Variants in CCNJL observed in about 807,000 individuals in gnomAD.
CCNJL encodes the protein cyclin-J-like protein.
CCNJL carries 33 observed loss-of-function variants against 33.4 expected under a neutral mutation model. That is an observed-to-expected ratio of 0.99 (90% confidence interval 0.75 to 1.32). The LOEUF (loss-of-function observed/expected upper bound fraction) is 1.32. Ranked by LOEUF, CCNJL falls within the 40% of genes most tolerant of loss-of-function variation. CCNJL has a pLI of 0.00. For synonymous variants in CCNJL, 227 were observed against 220.9 expected, an observed-to-expected ratio of 1.03 and a Z score of -0.24; for missense variants, 512 against 499.7, an observed-to-expected ratio of 1.02 and a Z score of -0.23.
At chr5:160,275,737 T>C (rs566610207) in intron 3 of CCNJL, among the ~76,000 whole-genome samples, 5 of 152,338 alleles carry the variant, frequency 3.3e-5, no homozygotes, top group Admixed American at 1.3e-4. Flanking sequence ...CTAGCTACCC[T>C]AGCAAAAGGT....
intron 1 of CCNJL, chr5:160,339,373 A>C (rs13362317): frequency 0.031 from 9,758 of 311,224 alleles, 214 homozygotes; most frequent in African/African-American, 0.083. Flanking sequence ...AAAAAAAAAC[A>C]AAAAAAAACG....
At chr5:160,269,741 C>G (rs1259532736) in intron 3 of CCNJL, among the ~76,000 whole-genome samples, 6 of 152,158 alleles carry the variant, frequency 3.9e-5, no homozygotes, top group Admixed American at 3.9e-4. Flanking sequence ...GCGTTCTGAC[C>G]TGAATCTTCC....
At chr5:160,255,460 C>G in intron 5 of CCNJL, 89 bp downstream of exon 5, 1 of 1,258,992 alleles carries the variant, frequency 7.9e-7, no homozygotes, top group Non-Finnish European at 1.1e-6. Flanking sequence ...AAGTTCCAGA[C>G]TCTGGAAACT....
rs1761871236 is a variant in CCNJL, at chr5:160,272,504, CA to C, written c.280+8020del. 2.6e-5 allele frequency among the ~76,000 whole-genome samples: 4 copies of C among 152,168 alleles called. No homozygotes were observed. In the South Asian group the frequency reaches 8.3e-4, roughly 31 times the overall value. ...GATAGGGAAAGGCAGAAATGCAGGG[CA>C]AAGGCTCTCGTGGCTGGGAGCACAG... is the stretch of plus-strand genomic sequence containing the variant. On this transcript the variant is annotated intron_variant, in intron 3 of 5. Coordinates refer to ENST00000257536, the MANE Select transcript of CCNJL (RefSeq NM_001308173.3).
intron 2 of CCNJL, among the ~76,000 whole-genome samples, chr5:160,309,479 T>A (rs962606671): frequency 1.3e-5 from 2 of 152,244 alleles, no homozygotes; most frequent in African/African-American, 4.8e-5. Flanking sequence ...AACATTCAAC[T>A]AAGAGTGTCT....
Position 160,280,703 on chromosome 5 carries a change from T to C in CCNJL, c.102A>G (p.Pro34=). 1 of 1,610,680 alleles carries C rather than the reference T, an allele frequency of 6.2e-7. No individual in the cohort carries two copies. The highest frequency in any genetic ancestry group is 1.1e-5 in the South Asian group (1 of 90,904). ...LKLPTFRAHS[P]LLKSRRFFVD... ...CGAAGAACCGGCGGCTCTTCAGGAG[T>C]GGGGAGTGGGCTCGGAAGGTGGGCA... Residue 34 remains proline (P), a synonymous_variant, in exon 3 of 6, where the codon CCA becomes CCG. Coordinates refer to ENST00000257536, the MANE Select transcript of CCNJL (RefSeq NM_001308173.3).
At chr5:160,256,897 G>A (rs552107987) in intron 4 of CCNJL, among the ~76,000 whole-genome samples, 110 of 151,460 alleles carry the variant, frequency 7.3e-4, no homozygotes, top group African/African-American at 2.6e-3. Flanking sequence ...CAGCCTGGGC[G>A]ACAGGGCAAG....
At chr5:160,296,205 A>G (rs1561799360) in intron 2 of CCNJL, among the ~76,000 whole-genome samples, 2 of 152,236 alleles carry the variant, frequency 1.3e-5, no homozygotes, top group Admixed American at 6.5e-5. Context: ...AGCAACTTTA[A>G]TAATCAAGCC....
intron 1 of CCNJL, among the ~76,000 whole-genome samples, chr5:160,322,113 G>A (rs1763472684): frequency 6.6e-6 from 1 of 152,174 alleles, no homozygotes; most frequent in South Asian, 2.1e-4. Flanking sequence ...GGAGCCTATA[G>A]GATCTGCTGA....
intron 1 of CCNJL, among the ~76,000 whole-genome samples, chr5:160,320,436 C>T (rs949474834): frequency 6.6e-6 from 1 of 152,138 alleles, no homozygotes; most frequent in African/African-American, 2.4e-5. Flanking sequence ...GACTTACGGC[C>T]CTCCTGGTCT....
At chr5:160,316,537 T>C (rs1273010204), upstream of CCNJL, among the ~76,000 whole-genome samples, 1 of 152,218 alleles carries the variant, frequency 6.6e-6, no homozygotes, top group African/African-American at 2.4e-5. Flanking sequence ...GCTTTTCATA[T>C]GATACAAACT....
At chr5:160,320,775 CTTTT>C (rs1329031793) in intron 1 of CCNJL, among the ~76,000 whole-genome samples, 20 of 146,774 alleles carry the variant, frequency 1.4e-4, no homozygotes, top group South Asian at 8.3e-4. Context: ...TTCTTTCTTT[CTTTT>C]CTTTCTTTCC....
Position 160,311,912 on chromosome 5 carries a change from C to G in CCNJL, c.12G>C (p.Glu4Asp), listed in dbSNP as rs372128997. Residue 4 changes from glutamate (E) to aspartate (D), a missense_variant, in exon 2 of 6, where the codon GAG becomes GAC. Glu to Asp is a conservative substitution (Grantham distance 45, BLOSUM62 2). Coordinates refer to ENST00000257536, the MANE Select transcript of CCNJL (RefSeq NM_001308173.3). Reference protein sequence around the residue: MMDEPWWEGRVASD... With the variant: MMDDPWWEGRVASD... ...AGGCGACGCGCCCTTCCCACCACGG[C>G]TCATCCATCATCGCGTACGCAGCGC... 113 of 1,614,160 alleles carry G rather than the reference C, an allele frequency of 7.0e-5. No homozygotes were observed. The African/African-American group carries it at 1.4e-3, about 20-fold the overall frequency.
chr5:160,326,912 G>T, intron 1 of CCNJL: 5 of 661,600 alleles, frequency 7.6e-6, no homozygotes, highest in South Asian at 6.8e-5. Context: ...TCATGAATAC[G>T]ACCGAGTCGG....
chr5:160,257,657 GAA>G (rs200034063), intron 4 of CCNJL, among the ~76,000 whole-genome samples: 1 of 144,648 alleles, frequency 6.9e-6, no homozygotes, highest in African/African-American at 2.5e-5. Context: ...CCACAAAAAG[GAA>G]AAAAAAAAAT....
chr5:160,252,798 A>C lies in CCNJL; in HGVS notation c.*580T>G, dbSNP rs1347875076. ...AGCAGCAGCACATGACATATCTAAA[A>C]GGCTGAAAATGGTTTTAGGTTCGAA... is the stretch of plus-strand genomic sequence containing the variant. On this transcript the variant is annotated 3_prime_UTR_variant, in exon 6 of 6. Transcript: ENST00000257536. The C allele has an allele frequency of 6.5e-6, 1 of 152,804 alleles. No homozygotes were observed. The highest frequency in any genetic ancestry group is 2.4e-5 in the African/African-American group (1 of 41,456). The allele number at this position is 152,804 out of a possible 1,614,324, so 9.5% of individuals were successfully genotyped here.
intron 2 of CCNJL, among the ~76,000 whole-genome samples, chr5:160,302,823 A>AT (rs1561803344): frequency 1.1e-4 from 17 of 151,916 alleles, no homozygotes; most frequent in African/African-American, 2.9e-4. Context: ...ATAAAAAAAA[A>AT]AAAATAATAA....
chr5:160,335,147 C>A (rs1763667295), intron 1 of CCNJL, among the ~76,000 whole-genome samples: 1 of 152,162 alleles, frequency 6.6e-6, no homozygotes, highest in African/African-American at 2.4e-5. Flanking sequence ...CCTGTAATCC[C>A]AGCTACTGGG....
At chr5:160,311,627 C>A (rs1763262014) in intron 2 of CCNJL, among the ~76,000 whole-genome samples, 1 of 152,212 alleles carries the variant, frequency 6.6e-6, no homozygotes, top group South Asian at 2.1e-4. Context: ...ACTAGTTGGC[C>A]CAGAGTTCTG....
Sources: allele counts gnomAD v4.1 joint callset (sites outside exome capture counted in the v4.1 genomes callset), GRCh38; gene constraint gnomAD v4.1.1; transcripts MANE v1.5; gene names NCBI Gene and HGNC (gene_info 2026-07-23, HGNC 2026-07-21).